MOCOS: variants seen among roughly 807,000 people sequenced by gnomAD.
MOCOS encodes human molybdenum cofactor sulfurase.
A neutral mutation model predicts 83.6 loss-of-function variants in MOCOS; 86 were observed. The observed-to-expected ratio is 1.03, with a 90% CI of 0.86 to 1.23. The LOEUF (loss-of-function observed/expected upper bound fraction) is 1.23, where lower values mean the gene tolerates loss of function less well. MOCOS is among the 50% of genes most tolerant of loss of function. MOCOS has a pLI of 0.00. For missense variants in MOCOS, 1,120 were observed against 1,126.9 expected (o/e 0.99, Z 0.09); for synonymous variants, 445 against 434.7 (o/e 1.02, Z -0.29).
At chr18:36,222,464 G>T (rs528340001) in intron 9 of MOCOS, among the ~76,000 whole-genome samples, 46 of 151,828 alleles carry the variant, frequency 3.0e-4, no homozygotes, top group Middle Eastern at 3.4e-3. Context: ...ATCTCATTTT[G>T]ATTTCAATTT....
chr18:36,220,637 G>A (rs2091492780), intron 9 of MOCOS, among the ~76,000 whole-genome samples: 2 of 152,274 alleles, frequency 1.3e-5, no homozygotes, highest in South Asian at 4.1e-4. Flanking sequence ...CAATCAGACG[G>A]TAAAGAGGGG....
chr18:36,240,183 T>C (rs1428688886), intron 9 of MOCOS, among the ~76,000 whole-genome samples: 2 of 139,408 alleles, frequency 1.4e-5, no homozygotes, highest in Admixed American at 7.4e-5. Flanking sequence ...GGTGAGGAGC[T>C]GCGTTCCTTT....
At chr18:36,232,801 T>C (rs1265244579) in intron 9 of MOCOS, among the ~76,000 whole-genome samples, 2 of 151,988 alleles carry the variant, frequency 1.3e-5, no homozygotes, top group African/African-American at 2.4e-5. Context: ...GGCTCATCCA[T>C]GTTGCTGCAA....
intron 6 of MOCOS, among the ~76,000 whole-genome samples, chr18:36,206,670 G>A (rs79304057): frequency 0.057 from 8,615 of 152,158 alleles, 282 homozygotes; most frequent in East Asian, 0.1. Flanking sequence ...CCCGGTGGCC[G>A]TGGTTTTCTT....
intron 7 of MOCOS, among the ~76,000 whole-genome samples, chr18:36,213,706 A>T (rs918682756): frequency 4.7e-5 from 7 of 148,420 alleles, no homozygotes; most frequent in Non-Finnish European, 1.0e-4. Flanking sequence ...AGGCAGGTGG[A>T]TCACCTGAGG....
intron 9 of MOCOS, among the ~76,000 whole-genome samples, chr18:36,221,020 T>C (rs546406016): frequency 1.2e-3 from 189 of 152,348 alleles, no homozygotes; most frequent in Non-Finnish European, 2.4e-3. Flanking sequence ...CATCATCATG[T>C]ATACTGCAGG....
chr18:36,252,596 C>T (rs1048996685), intron 11 of MOCOS, among the ~76,000 whole-genome samples: 1 of 151,926 alleles, frequency 6.6e-6, no homozygotes, highest in Non-Finnish European at 1.5e-5. Context: ...TGGTGGCATG[C>T]ACCTGTAGTC....
In MOCOS at chr18:36,255,620, G is replaced by A. The variant is rs1381847797; in HGVS notation, c.2165-1348G>A. ...TGCACCTCCCTTCTCTGGCAGAGCC[G>A]TTTTAGCAAAGAGGATATATGCAAG... On this transcript the variant is annotated intron_variant, in intron 11 of 14. Transcript: ENST00000261326. Among the ~76,000 whole-genome samples the A allele has an allele frequency of 9.9e-5, 15 of 152,082 alleles. No individual in the cohort carries two copies. The East Asian group carries it at 2.3e-3, about 24-fold the overall frequency.
At chr18:36,229,928 G>T (rs182422619) in intron 9 of MOCOS, among the ~76,000 whole-genome samples, 35 of 152,046 alleles carry the variant, frequency 2.3e-4, no homozygotes, top group Non-Finnish European at 4.0e-4. Flanking sequence ...TTTGGTGACT[G>T]TCTTTATAGA....
At chr18:36,234,898 T>G (rs2091552100) in intron 9 of MOCOS, among the ~76,000 whole-genome samples, 1 of 152,058 alleles carries the variant, frequency 6.6e-6, no homozygotes, top group African/African-American at 2.4e-5. Context: ...TATAAAACCA[T>G]CAGATCTCAT....
intron 1 of MOCOS, among the ~76,000 whole-genome samples, chr18:36,191,389 A>G (rs1433479887): frequency 6.6e-6 from 1 of 152,212 alleles, no homozygotes; most frequent in Non-Finnish European, 1.5e-5. Context: ...CCTCAGAGTC[A>G]ATTGCTGTCA....
chr18:36,220,266 T>G (rs1568056738), intron 9 of MOCOS, 49 bp downstream of exon 9: 3 of 1,604,628 alleles, frequency 1.9e-6, no homozygotes, highest in Non-Finnish European at 2.6e-6. Flanking sequence ...CAGCAGCTTT[T>G]ATATTCATAT....
intron 13 of MOCOS, 81 bp downstream of exon 13, chr18:36,260,256 A>T (rs1251987261): frequency 1.9e-6 from 3 of 1,573,684 alleles, no homozygotes; most frequent in Non-Finnish European, 2.6e-6. Context: ...GGATAGCTGC[A>T]GGTGGGACTC....
At chr18:36,218,100 G>A (rs962204340) in intron 8 of MOCOS, among the ~76,000 whole-genome samples, 7 of 152,204 alleles carry the variant, frequency 4.6e-5, no homozygotes, top group African/African-American at 1.7e-4. Flanking sequence ...AGATATGGTG[G>A]AAGGAGCAGC....
At chr18:36,228,511 T>C (rs959282282) in intron 9 of MOCOS, among the ~76,000 whole-genome samples, 2 of 152,054 alleles carry the variant, frequency 1.3e-5, no homozygotes, top group African/African-American at 2.4e-5. Context: ...TAAAAAAGAA[T>C]GAGATAATGT....
intron 13 of MOCOS, among the ~76,000 whole-genome samples, chr18:36,262,828 G>T (rs1165671310): frequency 1.3e-5 from 2 of 152,218 alleles, no homozygotes; most frequent in African/African-American, 4.8e-5. Flanking sequence ...TAAATGCTTG[G>T]CTGGGCACAG....
intron 6 of MOCOS, among the ~76,000 whole-genome samples, chr18:36,212,129 C>T (rs1039890845): frequency 2.6e-5 from 4 of 152,182 alleles, no homozygotes; most frequent in African/African-American, 9.6e-5. Flanking sequence ...TGATCCCAAC[C>T]CCCAGATGCC....
intron 1 of MOCOS, among the ~76,000 whole-genome samples, chr18:36,189,405 C>G (rs1467619359): frequency 6.6e-6 from 1 of 152,154 alleles, no homozygotes; most frequent in Non-Finnish European, 1.5e-5. Context: ...TGCTGGGAGT[C>G]TTGGAACATG....
chr18:36,195,414 C>A, intron 2 of MOCOS, 68 bp downstream of exon 2: 16 of 1,370,150 alleles, frequency 1.2e-5, no homozygotes, highest in South Asian at 2.3e-5. Flanking sequence ...GCATGTTAAA[C>A]GCTGGATTAA....
Sources: allele counts gnomAD v4.1 joint callset (sites outside exome capture counted in the v4.1 genomes callset), GRCh38; gene constraint gnomAD v4.1.1; transcripts MANE v1.5; gene names NCBI Gene and HGNC (gene_info 2026-07-23, HGNC 2026-07-21).